The following AIM2 variants were observed in gnomAD, a reference collection of about 807,000 sequenced individuals.
AIM2 encodes interferon-inducible protein AIM2.
A neutral mutation model predicts 27.7 loss-of-function variants in AIM2; 30 were observed. The observed-to-expected ratio is 1.08, with a 90% CI of 0.81 to 1.47. The LOEUF (loss-of-function observed/expected upper bound fraction) is 1.47, where lower values mean the gene tolerates loss of function less well. Ranked by LOEUF, AIM2 falls within the 40% of genes most tolerant of loss-of-function variation. The pLI, the probability that AIM2 is intolerant of heterozygous loss-of-function variation, is 0.00. For missense variants in AIM2, 358 were observed against 411.3 expected (o/e 0.87, Z 1.12); for synonymous variants, 141 against 145.3 (o/e 0.97, Z 0.21).
intron 3 of AIM2, among the ~76,000 whole-genome samples, chr1:159,067,597 A>G (rs1167706323): frequency 6.6e-6 from 1 of 152,164 alleles, no homozygotes; most frequent in Non-Finnish European, 1.5e-5. Context: ...TCTTTGGTCC[A>G]TGTATCTTTA....
At chr1:159,135,715 G>A (rs1052939365) in intron 1 of AIM2, among the ~76,000 whole-genome samples, 1 of 152,154 alleles carries the variant, frequency 6.6e-6, no homozygotes, top group Non-Finnish European at 1.5e-5. Context: ...TTTAAAAGTG[G>A]TCTATAGATG....
chr1:159,112,786 A>G (rs1657603753), intron 1 of AIM2, among the ~76,000 whole-genome samples: 1 of 152,186 alleles, frequency 6.6e-6, no homozygotes, highest in Non-Finnish European at 1.5e-5. Flanking sequence ...AAGTTAAAAT[A>G]TGTGACAGAA....
intron 1 of AIM2, among the ~76,000 whole-genome samples, chr1:159,093,692 A>T (rs1657101463): frequency 6.6e-6 from 1 of 151,068 alleles, no homozygotes; most frequent in Non-Finnish European, 1.5e-5. Context: ...TTTATTTAGA[A>T]AATATATATA....
At chr1:159,114,130 C>T (rs1428140099) in intron 1 of AIM2, among the ~76,000 whole-genome samples, 1 of 152,124 alleles carries the variant, frequency 6.6e-6, no homozygotes, top group East Asian at 1.9e-4. Context: ...AGGGAGTTCA[C>T]AACTTAGAGT....
downstream of AIM2, among the ~76,000 whole-genome samples, chr1:159,060,242 C>T (rs759125500): frequency 6.6e-6 from 1 of 152,134 alleles, no homozygotes; most frequent in African/African-American, 2.4e-5. Flanking sequence ...ATTAACCTAA[C>T]GGATAAGGAA....
At chr1:159,120,342 A>C (rs1305767765) in intron 1 of AIM2, among the ~76,000 whole-genome samples, 1 of 152,146 alleles carries the variant, frequency 6.6e-6, no homozygotes. Context: ...CATGTTATCT[A>C]TTAGATATGC....
chr1:159,074,510 T>A (rs1025195452), intron 1 of AIM2, among the ~76,000 whole-genome samples: 5 of 152,170 alleles, frequency 3.3e-5, no homozygotes, highest in Non-Finnish European at 7.4e-5. Flanking sequence ...TATTTCTGGA[T>A]TCTTTATTCT....
intron 1 of AIM2, among the ~76,000 whole-genome samples, chr1:159,103,133 G>C (rs1321848234): frequency 6.6e-6 from 1 of 152,190 alleles, no homozygotes; most frequent in Non-Finnish European, 1.5e-5. Flanking sequence ...TGTCATGATA[G>C]TGAGTGAGTT....
At chr1:159,137,405 C>G (rs957481051) in intron 1 of AIM2, among the ~76,000 whole-genome samples, 1 of 152,104 alleles carries the variant, frequency 6.6e-6, no homozygotes, top group Non-Finnish European at 1.5e-5. Context: ...ACCTGTAATC[C>G]CAGCACTTTG....
rs192144642 is a variant in AIM2 at position 159,113,826 on chromosome 1, G to A, written c.-16+26605C>T. 3.0e-4 allele frequency among the ~76,000 whole-genome samples: 46 copies of A among 152,316 alleles called. No homozygotes were observed. The East Asian group carries it at 7.7e-3, about 26-fold the overall frequency. On this transcript the variant is annotated intron_variant, in intron 1 of 2. Transcript: ENST00000368129. ...CAGATAGAGTTCTTTATTGAATAGT[G>A]GTGAGGCATGATAAGAAGTTTTGAA...
intron 1 of AIM2, among the ~76,000 whole-genome samples, chr1:159,083,446 C>T (rs1656828284): frequency 1.3e-5 from 2 of 152,058 alleles, no homozygotes; most frequent in Admixed American, 1.3e-4. Context: ...AGGTATGAGG[C>T]AGGGGACTAC....
chr1:159,079,854 C>T (rs528832331), upstream of AIM2, among the ~76,000 whole-genome samples: 43 of 152,296 alleles, frequency 2.8e-4, no homozygotes, highest in African/African-American at 6.0e-4. Flanking sequence ...ATCTCTCTCC[C>T]GACAAATCCT....
At chr1:159,132,792 CA>C (rs1391439179) in intron 1 of AIM2, among the ~76,000 whole-genome samples, 13 of 152,182 alleles carry the variant, frequency 8.5e-5, no homozygotes, top group Non-Finnish European at 1.5e-4. Context: ...CCAGTACCTC[CA>C]AATGGGTCCT....
At chr1:159,121,501 GTTCT>G (rs1411584603) in intron 1 of AIM2, among the ~76,000 whole-genome samples, 1 of 151,942 alleles carries the variant, frequency 6.6e-6, no homozygotes, top group Non-Finnish European at 1.5e-5. Context: ...TAAATTTTTG[GTTCT>G]TTGTTTACTT....
chr1:159,123,515 A>G (rs913812474), intron 1 of AIM2: 1 of 152,180 alleles, frequency 6.6e-6, no homozygotes, highest in African/African-American at 2.4e-5. Flanking sequence ...TGTTTTCTCT[A>G]TTACCTCAGT....
the AIM2 span, chr1:159,055,097 C>T: frequency 2.6e-6 from 1 of 390,454 alleles, no homozygotes; most frequent in Non-Finnish European, 4.7e-6. Flanking sequence ...GCATATTTTG[C>T]ATCTACAACT....
rs35254795 is a variant in AIM2, at chr1:159,128,260, TAC to T, written c.-16+12169_-16+12170del. ...AATTGTCATCTTATGTGCCAAGGCT[TAC>T]ACACACACACACACACACACACACA... On this transcript the variant is annotated intron_variant, in intron 1 of 2. Coordinates refer to the AIM2 transcript ENST00000368129. Among the ~76,000 whole-genome samples, 603 of 147,490 alleles carry T rather than the reference TAC, an allele frequency of 4.1e-3. 5 individuals carry two copies. The highest frequency in any genetic ancestry group is 0.011 in the African/African-American group (425 of 40,128).
chr1:159,060,506 T>C (rs1273668646), downstream of AIM2, among the ~76,000 whole-genome samples: 2 of 152,222 alleles, frequency 1.3e-5, no homozygotes, highest in Non-Finnish European at 2.9e-5. Context: ...AAAGTTAAGA[T>C]AGAGAATAGT....
intron 1 of AIM2, among the ~76,000 whole-genome samples, chr1:159,146,295 G>T (rs1303459830): frequency 6.6e-6 from 1 of 152,018 alleles, no homozygotes; most frequent in Non-Finnish European, 1.5e-5. Context: ...GAAATAAGAT[G>T]ATTCCTGGTG....
Sources: gnomAD v4.1 joint callset for allele counts (sites outside exome capture counted in the v4.1 genomes callset) on GRCh38, gnomAD v4.1.1 for gene constraint, MANE v1.5 for transcripts, NCBI Gene and HGNC (gene_info 2026-07-23, HGNC 2026-07-21) for gene names.